Variants in KIF2A observed in about 807,000 individuals in gnomAD.
KIF2A encodes kinesin-like protein KIF2A.
In KIF2A, 22 loss-of-function variants were observed where a neutral mutation model predicts 100.2. That is an observed-to-expected ratio of 0.22 (90% CI 0.16 to 0.31). The LOEUF (loss-of-function observed/expected upper bound fraction) is 0.31. Among genes scored for constraint, KIF2A ranks in the 10% least tolerant of loss-of-function variants. KIF2A has a pLI of 1.00. For synonymous variants in KIF2A, 268 were observed against 285.9 expected (o/e 0.94, Z 0.63); for missense variants, 495 against 898.7 (o/e 0.55, Z 5.74).
chr5:62,357,364 A>G (rs1019807556), intron 7 of KIF2A, among the ~76,000 whole-genome samples: 4 of 152,142 alleles, frequency 2.6e-5, no homozygotes, highest in Non-Finnish European at 5.9e-5. Flanking sequence ...GATTATAGGA[A>G]TGAGCCATCA....
chr5:62,333,709 C>T (rs1746771915), intron 1 of KIF2A, among the ~76,000 whole-genome samples: 1 of 152,160 alleles, frequency 6.6e-6, no homozygotes, highest in African/African-American at 2.4e-5. Flanking sequence ...TTATCTCCTC[C>T]CCAAGTGTCC....
At chr5:62,309,995 A>G (rs1216358620) in intron 1 of KIF2A, among the ~76,000 whole-genome samples, 3 of 151,682 alleles carry the variant, frequency 2.0e-5, no homozygotes, top group Non-Finnish European at 4.4e-5. Flanking sequence ...CTCAGCTCAT[A>G]CCTATGGGTA....
chr5:62,361,764 G>A (rs1475512932), intron 11 of KIF2A, among the ~76,000 whole-genome samples: 3 of 150,434 alleles, frequency 2.0e-5, no homozygotes, highest in African/African-American at 4.9e-5. Flanking sequence ...GTTCATGCCT[G>A]TAATCCCTGC....
chr5:62,362,048 A>T (rs546908438), intron 11 of KIF2A, among the ~76,000 whole-genome samples: 1 of 151,686 alleles, frequency 6.6e-6, no homozygotes, highest in African/African-American at 2.4e-5. Context: ...AAAAAAAAGA[A>T]CTGTAAGATT....
chr5:62,348,824 A>C (rs540353116), intron 3 of KIF2A, among the ~76,000 whole-genome samples: 1 of 141,676 alleles, frequency 7.1e-6, no homozygotes, highest in East Asian at 2.1e-4. Context: ...TGTTCATCTC[A>C]ACAAGCATTT....
intron 1 of KIF2A, among the ~76,000 whole-genome samples, chr5:62,344,266 C>G (rs769526253): frequency 2.6e-5 from 4 of 151,760 alleles, no homozygotes; most frequent in Non-Finnish European, 5.9e-5. Context: ...ATCGCTTGAA[C>G]CTGGGAGGTG....
Position 62,319,294 on chromosome 5 carries a change from A to G in KIF2A, c.64+12758A>G, listed in dbSNP as rs144893766. On this transcript the variant is annotated intron_variant, in intron 1 of 20. Transcript: ENST00000407818. ...GCTTAAAACTTTGAAAGTGTTCTCT[A>G]CTTCTGTTGCCCTTTTTATGAAGCC... is the stretch of plus-strand genomic sequence containing the variant. Among the ~76,000 whole-genome samples, 6 of 152,276 alleles carry G rather than the reference A, an allele frequency of 3.9e-5. No individual in the cohort carries two copies. The East Asian group carries it at 7.7e-4, about 20-fold the overall frequency.
At chr5:62,318,582 TGGG>T (rs756623629) in intron 1 of KIF2A, among the ~76,000 whole-genome samples, 225 of 152,218 alleles carry the variant, frequency 1.5e-3, no homozygotes, top group Non-Finnish European at 2.6e-3. Flanking sequence ...CATGCTGTTT[TGGG>T]TTTCCATTAA....
At chr5:62,380,743 A>T (rs1310764805) in intron 19 of KIF2A, among the ~76,000 whole-genome samples, 2 of 152,228 alleles carry the variant, frequency 1.3e-5, no homozygotes, top group Non-Finnish European at 2.9e-5. Flanking sequence ...ATTAAGTAGA[A>T]GTGCATCATC....
intron 9 of KIF2A, among the ~76,000 whole-genome samples, chr5:62,360,590 C>T (rs557613946): frequency 6.6e-6 from 1 of 152,002 alleles, no homozygotes; most frequent in East Asian, 2.0e-4. Flanking sequence ...GAGGCTGAGG[C>T]AGGAGAATCA....
Position 62,355,233 on chromosome 5 carries a change from A to G in KIF2A, c.633A>G (p.Arg211=). ...ACTTTAGAGGAAGTTTGGATTATAG[A>G]CCATTAACAACAGCAGATCCTGTAA... ...IRDFRGSLDY[R]PLTTADPIDE... The change falls in exon 7 of 21, where the codon AGA becomes AGG. Residue 211 remains arginine (R), a synonymous_variant. Transcript: ENST00000407818. 1 of 1,551,858 alleles carries G rather than the reference A, an allele frequency of 6.4e-7. No individual in the cohort carries two copies. Among genetic ancestry groups the G allele is most frequent in the Non-Finnish European group, 8.9e-7 (1 of 1,125,754 alleles).
At chr5:62,332,471 G>T (rs1216748826) in intron 1 of KIF2A, among the ~76,000 whole-genome samples, 1 of 152,038 alleles carries the variant, frequency 6.6e-6, no homozygotes. Context: ...CTTAAGTGGG[G>T]TAAAAATGTT....
chr5:62,381,586 T>C (rs1741774316), intron 20 of KIF2A, among the ~76,000 whole-genome samples: 1 of 152,236 alleles, frequency 6.6e-6, no homozygotes. Context: ...TGTGCCTTTT[T>C]TCGGGTCTCA....
intron 1 of KIF2A, chr5:62,308,316 C>G (rs1398945743): frequency 2.9e-6 from 4 of 1,388,546 alleles, no homozygotes; most frequent in Non-Finnish European, 3.7e-6. Flanking sequence ...TAGGTAAATA[C>G]GAGTTCACAG....
chr5:62,326,928 C>A (rs568981705), intron 1 of KIF2A, among the ~76,000 whole-genome samples: 1 of 151,996 alleles, frequency 6.6e-6, no homozygotes, highest in Non-Finnish European at 1.5e-5. Flanking sequence ...GCCGGGGAGG[C>A]GGAGATTGCA....
rs1285891653 is a variant in KIF2A, at chr5:62,306,562, G to T, written c.64+26G>T. 6 of 1,536,294 alleles carry T rather than the reference G, an allele frequency of 3.9e-6. No homozygotes were observed. The East Asian group carries it at 1.5e-4, about 38-fold the overall frequency. On this transcript the variant is annotated intron_variant, in intron 1 of 20. Transcript: ENST00000407818. ...GTGAGCCGCGCTGCCAGCCCCGCTG[G>T]CCCGCTCGGCCCCGTGTTCGGGTGT...
chr5:62,375,662 A>G (rs1230456311), intron 18 of KIF2A, among the ~76,000 whole-genome samples: 2 of 152,222 alleles, frequency 1.3e-5, no homozygotes, highest in South Asian at 2.1e-4. Flanking sequence ...TACACTTACT[A>G]CTTTTTGTTA....
At chr5:62,336,222 A>G (rs1746938910) in intron 1 of KIF2A, among the ~76,000 whole-genome samples, 1 of 152,212 alleles carries the variant, frequency 6.6e-6, no homozygotes, top group African/African-American at 2.4e-5. Context: ...GATGCGGGAG[A>G]AAGAGACTTT....
intron 1 of KIF2A, among the ~76,000 whole-genome samples, chr5:62,321,516 A>G (rs927085459): frequency 6.6e-6 from 1 of 152,114 alleles, no homozygotes; most frequent in African/African-American, 2.4e-5. Context: ...ATGACTAATG[A>G]TGTTGAACGT....
Sources: allele counts gnomAD v4.1 joint callset (sites outside exome capture counted in the v4.1 genomes callset), GRCh38; gene constraint gnomAD v4.1.1; transcripts MANE v1.5; gene names NCBI Gene and HGNC (gene_info 2026-07-23, HGNC 2026-07-21).